Variants in ARID1B observed in about 807,000 individuals in gnomAD.
The protein encoded by ARID1B is AT-rich interaction domain 1B, also known as AT-rich interactive domain-containing protein 1B.
A neutral mutation model predicts 212.3 loss-of-function variants in ARID1B; 30 were observed. The observed-to-expected ratio is 0.14, with a 90% CI of 0.11 to 0.19. ARID1B has a LOEUF of 0.19. Among genes scored for constraint, ARID1B ranks in the 10% least tolerant of loss-of-function variants. ARID1B has a pLI of 1.00. For synonymous variants in ARID1B, 1,402 were observed against 1,301.7 expected (o/e 1.08, Z -1.66); for missense variants, 2,891 against 3,204.0 (o/e 0.90, Z 2.36).
intron 4 of ARID1B, among the ~76,000 whole-genome samples, chr6:157,073,315 G>A (rs997022628): frequency 8.6e-5 from 13 of 151,980 alleles, no homozygotes; most frequent in Middle Eastern, 3.2e-3. Flanking sequence ...TGTTGGCCAG[G>A]CTGGCCTCAA....
At chr6:156,944,162 A>G (rs1471077831) in intron 4 of ARID1B, among the ~76,000 whole-genome samples, 1 of 152,226 alleles carries the variant, frequency 6.6e-6, no homozygotes, top group Non-Finnish European at 1.5e-5. Context: ...AAGCACTGAT[A>G]AAAACGGGCC....
chr6:156,820,392 C>G (rs1181946645), intron 1 of ARID1B, among the ~76,000 whole-genome samples: 1 of 152,134 alleles, frequency 6.6e-6, no homozygotes, highest in African/African-American at 2.4e-5. Context: ...AGGCATTGTA[C>G]TAAGTGCTAG....
At chr6:156,823,949 C>T (rs947193702) in intron 1 of ARID1B, among the ~76,000 whole-genome samples, 5 of 152,052 alleles carry the variant, frequency 3.3e-5, no homozygotes, top group Non-Finnish European at 4.4e-5. Context: ...AGCAAGTTGT[C>T]CTTTAACTTG....
At chr6:156,858,555 CAGG>C (rs1785105506) in intron 2 of ARID1B, among the ~76,000 whole-genome samples, 1 of 152,102 alleles carries the variant, frequency 6.6e-6, no homozygotes, top group African/African-American at 2.4e-5. Flanking sequence ...CACTTGAGGT[CAGG>C]AGTTCAAGAC....
At chr6:157,114,526 A>G (rs1787190315) in intron 6 of ARID1B, among the ~76,000 whole-genome samples, 1 of 115,918 alleles carries the variant, frequency 8.6e-6, no homozygotes, top group Admixed American at 8.1e-5. Context: ...TCCGTCTCAA[A>G]AAAAAAAAAA....
At position 157,209,931 on chromosome 6, in the gene ARID1B, C is replaced by A. The variant is rs1794682367; in HGVS notation, c.*2040C>A. 4.3e-6 allele frequency: 1 copy of A among 233,092 alleles called. No homozygotes were observed. The highest frequency in any genetic ancestry group is 1.8e-4 in the South Asian group (1 of 5,522). 14.4% of individuals were successfully genotyped at this position (233,092 alleles called of 1,614,324 possible). A position where few individuals can be genotyped will look rare whatever the true frequency, so the allele number is the denominator to read the frequency against. On this transcript the variant is annotated 3_prime_UTR_variant, in exon 20 of 20. Coordinates refer to ENST00000636930, the MANE Select transcript of ARID1B (RefSeq NM_001374828.1). ...CTGCATAATTATGCTGTTAGTGGACCTCTACCTCTTCTCTTCCCTCTCCCA... is the reference window on the plus strand; with the variant it reads ...CTGCATAATTATGCTGTTAGTGGACATCTACCTCTTCTCTTCCCTCTCCCA...
intron 1 of ARID1B, among the ~76,000 whole-genome samples, chr6:156,785,898 A>G (rs1185270731): frequency 3.3e-5 from 5 of 152,154 alleles, no homozygotes; most frequent in Admixed American, 6.5e-5. Flanking sequence ...CTTTGGGGTA[A>G]TCCTCATAGA....
At chr6:157,141,850 A>G (rs1583388142) in intron 7 of ARID1B, among the ~76,000 whole-genome samples, 1 of 152,240 alleles carries the variant, frequency 6.6e-6, no homozygotes, top group Non-Finnish European at 1.5e-5. Context: ...ACAAAATAGT[A>G]CAGCCACAGT....
intron 3 of ARID1B, among the ~76,000 whole-genome samples, chr6:156,906,404 G>A (rs1789378938): frequency 6.6e-6 from 1 of 151,754 alleles, no homozygotes; most frequent in South Asian, 2.1e-4. Flanking sequence ...AAAATTAGCT[G>A]GGCGTGGAGG....
At chr6:156,948,532 A>T (rs546406636) in intron 4 of ARID1B, among the ~76,000 whole-genome samples, 108 of 152,298 alleles carry the variant, frequency 7.1e-4, no homozygotes, top group African/African-American at 2.5e-3. Flanking sequence ...TGTGAGCCAC[A>T]GTGCCCAGCC....
intron 4 of ARID1B, among the ~76,000 whole-genome samples, chr6:157,055,933 C>G (rs1303980327): frequency 6.6e-6 from 1 of 152,176 alleles, no homozygotes; most frequent in Non-Finnish European, 1.5e-5. Context: ...GTGCCTGTCT[C>G]CACAACATGG....
At chr6:156,995,089 G>A (rs1448683017) in intron 4 of ARID1B, among the ~76,000 whole-genome samples, 2 of 152,178 alleles carry the variant, frequency 1.3e-5, no homozygotes, top group South Asian at 2.1e-4. Context: ...TCCTAGGCAC[G>A]TCTGTCTCTG....
rs371088869 is a variant in ARID1B at position 156,847,172 on chromosome 6, A to T, written c.1986+17751A>T. Among the ~76,000 whole-genome samples, 7 of 152,230 alleles carry T rather than the reference A, an allele frequency of 4.6e-5. No individual in the cohort carries two copies. In the South Asian group the frequency reaches 1.5e-3, roughly 32 times the overall value. ...TTTAATAAGCAGTTTTTTTTTTTAAACCAACCTGTTTTCTAATAGGTTTTA... is the reference window on the plus strand; with the variant it reads ...TTTAATAAGCAGTTTTTTTTTTTAATCCAACCTGTTTTCTAATAGGTTTTA... On this transcript the variant is annotated intron_variant, in intron 2 of 19. Coordinates refer to ENST00000636930, the MANE Select transcript of ARID1B (RefSeq NM_001374828.1).
chr6:157,105,731 A>G (rs1331716939), intron 5 of ARID1B, among the ~76,000 whole-genome samples: 1 of 152,046 alleles, frequency 6.6e-6, no homozygotes, highest in African/African-American at 2.4e-5. Context: ...CCTCCCCAGT[A>G]GCTGTGGTTA....
chr6:157,151,634 T>G (rs1274422853), intron 8 of ARID1B: 1 of 152,260 alleles, frequency 6.6e-6, no homozygotes, highest in East Asian at 1.9e-4. Context: ...TCACCATGTT[T>G]AGGTTAGTAA....
intron 4 of ARID1B, among the ~76,000 whole-genome samples, chr6:157,043,840 A>G (rs773257388): frequency 1.3e-5 from 2 of 152,198 alleles, no homozygotes; most frequent in African/African-American, 4.8e-5. Context: ...GGCATCAAAA[A>G]CTAGTTGGTT....
chr6:156,887,187 C>T (rs979194020), intron 2 of ARID1B, among the ~76,000 whole-genome samples: 3 of 152,174 alleles, frequency 2.0e-5, no homozygotes, highest in African/African-American at 7.2e-5. Flanking sequence ...GACAAAACCC[C>T]CAGCCTCTTC....
At chr6:157,050,379 A>C (rs1782519464) in intron 4 of ARID1B, among the ~76,000 whole-genome samples, 1 of 152,126 alleles carries the variant, frequency 6.6e-6, no homozygotes, top group African/African-American at 2.4e-5. Flanking sequence ...CCCCGTCTCT[A>C]CTAAAAATAC....
chr6:156,943,941 AT>A (rs1426906389), intron 4 of ARID1B: 3 of 152,202 alleles, frequency 2.0e-5, no homozygotes, highest in Non-Finnish European at 4.4e-5. Context: ...TTTTTATAAA[AT>A]AATATGTTTT....
Sources: gnomAD v4.1 joint callset for allele counts (sites outside exome capture counted in the v4.1 genomes callset) on GRCh38, gnomAD v4.1.1 for gene constraint, MANE v1.5 for transcripts, NCBI Gene and HGNC (gene_info 2026-07-23, HGNC 2026-07-21) for gene names.